RYR3: variants seen among roughly 807,000 people sequenced by gnomAD.
RYR3 encodes the protein ryanodine receptor 3.
A neutral mutation model predicts 584.3 loss-of-function variants in RYR3; 207 were observed. The observed-to-expected ratio is 0.35, with a 90% CI of 0.32 to 0.40. The LOEUF is 0.40. Among genes scored for constraint, RYR3 ranks in the 10% least tolerant of loss-of-function variants. The pLI is 1.00. For missense variants in RYR3, 5,616 were observed against 6,089.2 expected, an observed-to-expected ratio of 0.92 and a Z score of 2.59; for synonymous variants, 2,416 against 2,248.5, an observed-to-expected ratio of 1.07 and a Z score of -2.11.
At chr15:33,313,633 T>C (rs1377645332) in intron 1 of RYR3, among the ~76,000 whole-genome samples, 1 of 152,150 alleles carries the variant, frequency 6.6e-6, no homozygotes, top group Admixed American at 6.5e-5. Context: ...AGGCTTTCTT[T>C]CTCCTCCCCA....
intron 67 of RYR3, 56 bp downstream of exon 67, chr15:33,788,514 A>C: frequency 6.3e-7 from 1 of 1,589,410 alleles, no homozygotes; most frequent in Non-Finnish European, 8.6e-7. Flanking sequence ...AGTTTAGGCA[A>C]CAGAATAAAA....
At chr15:33,684,980 A>G (rs927039377) in intron 38 of RYR3, among the ~76,000 whole-genome samples, 1 of 152,238 alleles carries the variant, frequency 6.6e-6, no homozygotes, top group African/African-American at 2.4e-5. Context: ...AGTACCAGCC[A>G]CTGCAAAAAC....
At chr15:33,840,915 T>C in intron 90 of RYR3, 32 bp downstream of exon 90, 1 of 1,603,088 alleles carries the variant, frequency 6.2e-7, no homozygotes. Flanking sequence ...CTACTCTCAT[T>C]GCTATGGTAG....
chr15:33,426,995 A>C (rs8043019), intron 1 of RYR3, among the ~76,000 whole-genome samples: 44,973 of 152,078 alleles, frequency 0.3, 7,655 homozygotes, highest in African/African-American at 0.47. Flanking sequence ...ACTATCTCCC[A>C]AAAGCCCCTC....
intron 1 of RYR3, among the ~76,000 whole-genome samples, chr15:33,315,531 A>G (rs1444265941): frequency 6.6e-6 from 1 of 152,170 alleles, no homozygotes; most frequent in Non-Finnish European, 1.5e-5. Flanking sequence ...GATTAAAATG[A>G]CAAAACTCGG....
Position 33,522,110 on chromosome 15 carries a change from A to C in RYR3, c.280-8482A>C, listed in dbSNP as rs529608903. ...CTCTACTTAAAAAAAAAAAAAAAAA[A>C]AAACTAGCCAGGTGTGGTGGTGTGA... On this transcript the variant is annotated intron_variant, in intron 3 of 103. Transcript: ENST00000634891. Among the ~76,000 whole-genome samples, 19 of 149,670 alleles carry C rather than the reference A, an allele frequency of 1.3e-4. No individual in the cohort carries two copies. The South Asian group carries it at 1.9e-3, about 15-fold the overall frequency.
In RYR3 at chr15:33,566,713, A is replaced by C. The variant is rs1567552850; in HGVS notation, c.1182A>C (p.Gly394=). 1.2e-5 allele frequency: 20 copies of C among 1,613,790 alleles called. No homozygotes were observed. The highest frequency in any genetic ancestry group is 1.6e-5 in the Non-Finnish European group (19 of 1,179,722). ...ILHQEGHMDD[G]LTLQRCQREE... The stretch of plus-strand genomic sequence containing the variant: ...ATCAGGAAGGCCACATGGATGATGG[A>C]TTAACACTGCAGAGATGCCAGCGTG... Residue 394 remains glycine (G), a synonymous_variant, in exon 12 of 104, where the codon GGA becomes GGC. Transcript: ENST00000634891.
chr15:33,646,381 C>T lies in RYR3; in HGVS notation c.3796C>T (p.Pro1266Ser), dbSNP rs2062103965. The T allele has an allele frequency of 1.9e-6, 3 of 1,612,302 alleles. No homozygotes were observed. The highest frequency in any genetic ancestry group is 2.5e-6 in the Non-Finnish European group (3 of 1,178,750). ...VMRIDGTMDS[P>S]PCLKVTHKTF... ...GAGGATTGATGGCACCATGGACAGC[C>T]CTCCGTGTCTCAAGGTGACGCATAA... The change falls in exon 29 of 104, where the codon CCT (proline) becomes TCT (serine). Residue 1266 changes from proline to serine, a missense_variant. By Grantham distance (74) the Pro-to-Ser change is moderately conservative (BLOSUM62 -1). Transcript: ENST00000634891.
intron 18 of RYR3, 106 bp downstream of exon 18, chr15:33,603,470 A>T: frequency 1.6e-6 from 2 of 1,218,194 alleles, no homozygotes; most frequent in Non-Finnish European, 2.3e-6. Context: ...TACAGACTCA[A>T]GAGTCTCAAC....
intron 12 of RYR3, among the ~76,000 whole-genome samples, chr15:33,568,022 G>A (rs1410183118): frequency 1.3e-5 from 2 of 152,176 alleles, no homozygotes; most frequent in African/African-American, 2.4e-5. Flanking sequence ...CTAGGTGATT[G>A]TAACATCAAC....
intron 60 of RYR3, among the ~76,000 whole-genome samples, chr15:33,767,763 A>G (rs929825008): frequency 1.3e-5 from 2 of 152,182 alleles, no homozygotes; most frequent in Non-Finnish European, 2.9e-5. Context: ...AAGCAACTGC[A>G]AAGTTCTTGT....
chr15:33,493,463 G>T (rs1353928056), intron 2 of RYR3, among the ~76,000 whole-genome samples: 1 of 152,120 alleles, frequency 6.6e-6, no homozygotes, highest in African/African-American at 2.4e-5. Context: ...CTCATTAAGT[G>T]GTTGCTTATT....
chr15:33,657,602 T>C (rs2062895458), intron 32 of RYR3, among the ~76,000 whole-genome samples: 1 of 152,212 alleles, frequency 6.6e-6, no homozygotes, highest in Admixed American at 6.5e-5. Flanking sequence ...CTCATCACCA[T>C]GAACTCAGGG....
chr15:33,503,226 G>C (rs1422208579), intron 2 of RYR3, among the ~76,000 whole-genome samples: 1 of 152,110 alleles, frequency 6.6e-6, no homozygotes, highest in Non-Finnish European at 1.5e-5. Flanking sequence ...ACTGTCTAGA[G>C]CCACATTATG....
At chr15:33,748,440 C>T in intron 54 of RYR3, 28 bp from the exon 55 acceptor site, 1 of 1,607,648 alleles carries the variant, frequency 6.2e-7, no homozygotes, top group East Asian at 2.2e-5. Flanking sequence ...ATAATGGCAA[C>T]CCAGTGACTC....
chr15:33,659,045 G>A (rs984054010), intron 32 of RYR3, among the ~76,000 whole-genome samples: 2 of 152,324 alleles, frequency 1.3e-5, no homozygotes, highest in African/African-American at 4.8e-5. Context: ...GCCCTTCACA[G>A]AACATTTGGC....
chr15:33,550,012 G>T, intron 9 of RYR3, 148 bp from the exon 10 acceptor site: 1 of 727,928 alleles, frequency 1.4e-6, no homozygotes. Context: ...AAATCCTACA[G>T]CAAGCCAGCA....
chr15:33,568,389 AT>A (rs2057830725), intron 12 of RYR3, among the ~76,000 whole-genome samples: 1 of 152,162 alleles, frequency 6.6e-6, no homozygotes, highest in Non-Finnish European at 1.5e-5. Flanking sequence ...TGGGAAAATT[AT>A]TTTTAAACAT....
chr15:33,461,667 A>G (rs368717312), intron 1 of RYR3, among the ~76,000 whole-genome samples: 55 of 152,220 alleles, frequency 3.6e-4, no homozygotes, highest in African/African-American at 1.3e-3. Flanking sequence ...ACATAAAGGG[A>G]TAAGTTTTCC....
Sources: allele counts gnomAD v4.1 joint callset (sites outside exome capture counted in the v4.1 genomes callset), GRCh38; gene constraint gnomAD v4.1.1; transcripts MANE v1.5; gene names NCBI Gene and HGNC (gene_info 2026-07-23, HGNC 2026-07-21).